MYO16: variants seen among roughly 807,000 people sequenced by gnomAD.
MYO16 encodes unconventional myosin-XVI.
A neutral mutation model predicts 205.3 loss-of-function variants in MYO16; 94 were observed. That is an observed-to-expected ratio of 0.46 (90% CI 0.39 to 0.54). MYO16 has a LOEUF of 0.54. Among genes scored for constraint, MYO16 ranks in the 20% least tolerant of loss-of-function variants. The pLI, the probability that MYO16 is intolerant of heterozygous loss-of-function variation, is 0.00. For missense variants in MYO16, 2,315 were observed against 2,387.5 expected (o/e 0.97, Z 0.63); for synonymous variants, 988 against 954.0 (o/e 1.04, Z -0.66).
chr13:109,127,144 C>T lies in MYO16; in HGVS notation c.3783-138C>T. 2 of 1,155,558 alleles carry T rather than the reference C, an allele frequency of 1.7e-6. No homozygotes were observed. Among genetic ancestry groups the T allele is most frequent in the South Asian group, 1.7e-5 (1 of 58,002 alleles). 71.6% of individuals were successfully genotyped at this position (1,155,558 alleles called of 1,614,324 possible). A position where few individuals can be genotyped will look rare whatever the true frequency, so the allele number is the denominator to read the frequency against. ...ACCAACTGGTCACCAGAGGGCTGCA[C>T]ACGTCCTCCAGCCACAGCAGGAAGG... On this transcript the variant is annotated intron_variant, in intron 30 of 34. Transcript: ENST00000457511. This position sits in a 1 kb window ranked among gnomAD's most constrained non-coding sequence, Gnocchi z 4.2.
At chr13:109,156,202 G>T (rs568393359) in intron 32 of MYO16, among the ~76,000 whole-genome samples, 15 of 152,180 alleles carry the variant, frequency 9.9e-5, no homozygotes, top group East Asian at 1.9e-4. Flanking sequence ...CGAAGTGCTT[G>T]TATCCAAATT....
At chr13:108,793,467 A>G in intron 5 of MYO16, 49 bp from the exon 6 acceptor site, 1 of 1,585,420 alleles carries the variant, frequency 6.3e-7, no homozygotes, top group Non-Finnish European at 8.6e-7. Flanking sequence ...ACCCCCAGGA[A>G]CTGAGAAGTA....
At chr13:109,093,699 G>T (rs752647846) in intron 27 of MYO16, among the ~76,000 whole-genome samples, 17 of 152,056 alleles carry the variant, frequency 1.1e-4, no homozygotes, top group Non-Finnish European at 2.5e-4. Context: ...AGAAAATCCG[G>T]CTGGGCCTAC....
intron 27 of MYO16, among the ~76,000 whole-genome samples, chr13:109,075,818 A>C (rs1399063943): frequency 6.6e-6 from 1 of 151,484 alleles, no homozygotes; most frequent in Admixed American, 6.6e-5. Context: ...TTGGATATTC[A>C]ATTGGCAAAC....
At chr13:109,068,247 G>A (rs1183826945) in intron 27 of MYO16, among the ~76,000 whole-genome samples, 1 of 152,142 alleles carries the variant, frequency 6.6e-6, no homozygotes, top group Non-Finnish European at 1.5e-5. Context: ...GGAAACAACT[G>A]TTTCTTTGCA....
At chr13:109,086,388 G>A (rs1465471525) in intron 27 of MYO16, among the ~76,000 whole-genome samples, 1 of 152,214 alleles carries the variant, frequency 6.6e-6, no homozygotes, top group East Asian at 1.9e-4. Context: ...CAGGTAGAAA[G>A]CTTAGATAGG....
chr13:109,067,821 G>A (rs1180212864), intron 27 of MYO16, among the ~76,000 whole-genome samples: 1 of 152,120 alleles, frequency 6.6e-6, no homozygotes, highest in Admixed American at 6.6e-5. Context: ...GGCTGAATCA[G>A]TCACAACCTT....
intron 3 of MYO16, among the ~76,000 whole-genome samples, chr13:108,724,157 G>A (rs1884258611): frequency 6.6e-6 from 1 of 152,064 alleles, no homozygotes; most frequent in Admixed American, 6.5e-5. Context: ...TAGTGATCTT[G>A]TATCTTTCAA....
At chr13:108,585,388 A>G in the MYO16 span, among the ~76,000 whole-genome samples, 3 of 152,226 alleles carry the variant, frequency 2.0e-5, no homozygotes, top group Non-Finnish European at 2.9e-5. Context: ...TTGTCTAAAG[A>G]TCTGGGATCC....
chr13:108,729,653 T>C (rs537613451), intron 4 of MYO16, among the ~76,000 whole-genome samples: 4 of 152,322 alleles, frequency 2.6e-5, no homozygotes, highest in African/African-American at 9.6e-5. Flanking sequence ...AAATGAATAT[T>C]CATATGGTTG....
intron 14 of MYO16, among the ~76,000 whole-genome samples, chr13:108,896,370 T>C (rs1037982783): frequency 5.9e-5 from 9 of 152,206 alleles, no homozygotes; most frequent in African/African-American, 2.2e-4. Flanking sequence ...TACTAAGTAC[T>C]ATTTCATTTT....
chr13:108,508,145 C>T, the MYO16 span, among the ~76,000 whole-genome samples: 2 of 151,428 alleles, frequency 1.3e-5, no homozygotes, highest in East Asian at 1.9e-4. Flanking sequence ...TCATAGATCT[C>T]GACTTCTTTC....
intron 4 of MYO16, among the ~76,000 whole-genome samples, chr13:108,739,297 G>A (rs1287042248): frequency 1.3e-5 from 2 of 152,018 alleles, no homozygotes; most frequent in Non-Finnish European, 1.5e-5. Flanking sequence ...TCCATGTTTA[G>A]TGTTTCCTTC....
chr13:109,206,998 GTGTGTGTT>G lies in MYO16; in HGVS notation c.*170_*177del, dbSNP rs531993397. ...AATATATGAGATCCCGTGTGTGTGT[GTGTGTGTT>G]TGTGTGTGTGTGTGTGGGTTCTTTC... is the stretch of plus-strand genomic sequence containing the variant. On this transcript the variant is annotated 3_prime_UTR_variant, in exon 35 of 35. Transcript: ENST00000457511. The G allele has an allele frequency of 7.9e-3, 2,827 of 359,500 alleles. 11 individuals are homozygous for G. The highest frequency in any genetic ancestry group is 0.018 in the Middle Eastern group (22 of 1,224). 22.3% of individuals were successfully genotyped at this position (359,500 alleles called of 1,614,324 possible).
intron 33 of MYO16, chr13:109,166,647 G>C (rs182212413): frequency 1.3e-5 from 2 of 152,276 alleles, no homozygotes; most frequent in African/African-American, 4.8e-5. Context: ...TTCTTCACGG[G>C]ATCCAGCAAT....
chr13:108,927,147 A>T (rs1244093844), intron 16 of MYO16, among the ~76,000 whole-genome samples: 1 of 152,154 alleles, frequency 6.6e-6, no homozygotes, highest in Non-Finnish European at 1.5e-5. Context: ...AGACTGTCCC[A>T]GATGAAGATA....
intron 6 of MYO16, 82 bp downstream of exon 6, chr13:108,793,722 C>A (rs759868658): frequency 2.2e-6 from 3 of 1,363,612 alleles, no homozygotes; most frequent in Non-Finnish European, 3.0e-6. Flanking sequence ...ATTAAATTAA[C>A]CTTTAAATAA....
chr13:109,173,887 CAAAAAAAAAAA>C (rs778094207), intron 33 of MYO16, among the ~76,000 whole-genome samples: 14 of 29,116 alleles, frequency 4.8e-4, no homozygotes, highest in East Asian at 2.3e-3. Context: ...GACTCCATCT[CAAAAAAAAAAA>C]AAAAAAAAAA....
chr13:109,013,103 A>ACCCCC (rs1248419494), intron 22 of MYO16, among the ~76,000 whole-genome samples: 22 of 14,598 alleles, frequency 1.5e-3, no homozygotes, highest in African/African-American at 3.0e-3. Context: ...TCCTAATGCT[A>ACCCCC]CCCCTCCCCC....
Sources: gnomAD v4.1 joint callset for allele counts (sites outside exome capture counted in the v4.1 genomes callset) on GRCh38, gnomAD v4.1.1 for gene constraint, Gnocchi (gnomAD v3.1) non-coding constraint, MANE v1.5 for transcripts, NCBI Gene and HGNC (gene_info 2026-07-23, HGNC 2026-07-21) for gene names.